LRRC7: variants seen among roughly 807,000 people sequenced by gnomAD.
The protein encoded by LRRC7 is leucine-rich repeat-containing protein 7.
Under a neutral mutation model 175.7 loss-of-function variants are expected in LRRC7, and 23 were observed. That is an observed-to-expected ratio of 0.13 (90% CI 0.09 to 0.19). The LOEUF (loss-of-function observed/expected upper bound fraction) is 0.19, where lower values mean the gene tolerates loss of function less well. LRRC7 is among the 10% of genes least tolerant of loss of function. LRRC7 has a pLI of 1.00. For synonymous variants in LRRC7, 685 were observed against 680.9 expected (o/e 1.01, Z -0.09); for missense variants, 1,354 against 1,904.7 (o/e 0.71, Z 5.38).
chr1:69,803,961 G>C (rs1241918248), intron 4 of LRRC7, among the ~76,000 whole-genome samples: 1 of 150,944 alleles, frequency 6.6e-6, no homozygotes, highest in Non-Finnish European at 1.5e-5. Context: ...TACTATTTTT[G>C]CTTGTTGGTC....
intron 7 of LRRC7, among the ~76,000 whole-genome samples, chr1:69,921,841 A>G (rs1646896885): frequency 6.6e-6 from 1 of 152,188 alleles, no homozygotes. Flanking sequence ...AGATAATCTC[A>G]TGATCTAGTG....
chr1:70,067,337 T>G (rs1571226800), intron 23 of LRRC7, among the ~76,000 whole-genome samples: 1 of 152,128 alleles, frequency 6.6e-6, no homozygotes, highest in Admixed American at 6.6e-5. Context: ...GTTCATTTAT[T>G]GTGCTTGTGG....
At chr1:69,731,741 A>G (rs1557659972) in intron 2 of LRRC7, among the ~76,000 whole-genome samples, 1 of 152,214 alleles carries the variant, frequency 6.6e-6, no homozygotes, top group Non-Finnish European at 1.5e-5. Context: ...GTCTCCATCT[A>G]TGAAAGTTAG....
chr1:69,588,645 A>G (rs1341783), intron 1 of LRRC7, among the ~76,000 whole-genome samples: 15,368 of 152,174 alleles, frequency 0.1, 878 homozygotes, highest in African/African-American at 0.12. Context: ...TGTTTCTTTC[A>G]TCTGTATGAA....
chr1:70,070,342 A>T (rs1055681048), intron 23 of LRRC7, among the ~76,000 whole-genome samples: 1 of 151,900 alleles, frequency 6.6e-6, no homozygotes, highest in Non-Finnish European at 1.5e-5. Context: ...CTAGTTTTTC[A>T]TTTGTTTCAA....
chr1:69,576,475 A>G (rs1438154420), intron 1 of LRRC7, among the ~76,000 whole-genome samples: 2 of 152,202 alleles, frequency 1.3e-5, no homozygotes, highest in Non-Finnish European at 2.9e-5. Context: ...ATGATTATAA[A>G]GCATTTTTGA....
intron 14 of LRRC7, among the ~76,000 whole-genome samples, chr1:70,017,019 T>C (rs1657021444): frequency 1.3e-5 from 2 of 152,160 alleles, no homozygotes; most frequent in African/African-American, 4.8e-5. Context: ...TGGCTCATGC[T>C]GTAATCCCAA....
At chr1:69,827,131 C>T (rs1224545405) in intron 5 of LRRC7, among the ~76,000 whole-genome samples, 3 of 152,004 alleles carry the variant, frequency 2.0e-5, no homozygotes, top group African/African-American at 4.8e-5. Flanking sequence ...ACTCGTAGAC[C>T]AAAATGCAAT....
rs1423285538 is a variant in LRRC7 at position 70,140,988 on chromosome 1, A to G, written c.*19101A>G. On this transcript the variant is annotated 3_prime_UTR_variant, in exon 27 of 27. Transcript: ENST00000651989. ...CTGAGGTGTAGCCCAGGGAATAAGT[A>G]TGTCCTGAATTGAGCCTTAAATCAG... 6.6e-6 allele frequency among the ~76,000 whole-genome samples: 1 copy of G among 152,118 alleles called. No homozygotes were observed. Among genetic ancestry groups the G allele is most frequent in the Non-Finnish European group, 1.5e-5 (1 of 67,982 alleles).
intron 22 of LRRC7, among the ~76,000 whole-genome samples, chr1:70,051,898 T>C (rs2102060691): frequency 1.3e-5 from 2 of 152,106 alleles, no homozygotes; most frequent in South Asian, 4.2e-4. Context: ...CTAAGACCAC[T>C]CAATATAACC....
chr1:70,098,245 C>T (rs913485849), intron 25 of LRRC7, among the ~76,000 whole-genome samples: 2 of 151,954 alleles, frequency 1.3e-5, no homozygotes, highest in South Asian at 4.2e-4. Context: ...TGTTTTTTGG[C>T]TGCATAAATG....
intron 1 of LRRC7, among the ~76,000 whole-genome samples, chr1:69,598,108 G>A (rs976050698): frequency 1.3e-5 from 2 of 152,080 alleles, no homozygotes; most frequent in African/African-American, 2.4e-5. Context: ...GTCTGCTAAC[G>A]CATATCTGGT....
chr1:70,020,047 C>A (rs543632784), intron 15 of LRRC7, among the ~76,000 whole-genome samples: 1 of 152,020 alleles, frequency 6.6e-6, no homozygotes, highest in East Asian at 1.9e-4. Context: ...AGGAATTAGC[C>A]TAGCTGAGTT....
intron 1 of LRRC7, among the ~76,000 whole-genome samples, chr1:69,648,561 A>C (rs1394215941): frequency 6.6e-6 from 1 of 152,212 alleles, no homozygotes; most frequent in Non-Finnish European, 1.5e-5. Context: ...CTCCCACCAC[A>C]GGGGCCTTCA....
intron 1 of LRRC7, among the ~76,000 whole-genome samples, chr1:69,609,279 C>T (rs1648309852): frequency 6.6e-6 from 1 of 151,894 alleles, no homozygotes; most frequent in African/African-American, 2.4e-5. Context: ...TCTACGTATT[C>T]ATAAAGGTGA....
At position 69,603,803 on chromosome 1, in the gene LRRC7, A is replaced by G. The variant is rs370403041; in HGVS notation, c.2+35162A>G. On this transcript the variant is annotated intron_variant, in intron 1 of 26. Coordinates refer to ENST00000651989, the MANE Select transcript of LRRC7 (RefSeq NM_001370785.2). ...TTATTTTCTTTTAAATTTATTTTAT[A>G]TTATTTGAAACACCAGAATGTAGAT... is the stretch of plus-strand genomic sequence containing the variant. Among the ~76,000 whole-genome samples the G allele has an allele frequency of 3.0e-4, 46 of 152,142 alleles. 1 individual carries two copies. The South Asian group carries it at 9.3e-3, about 31-fold the overall frequency.
In LRRC7 at chr1:69,897,342, G is replaced by C. The variant is rs76167356; in HGVS notation, c.648-34165G>C. Among the ~76,000 whole-genome samples, 366 of 152,188 alleles carry C rather than the reference G, an allele frequency of 2.4e-3. 12 individuals are homozygous for C. The East Asian group carries it at 0.057, about 24-fold the overall frequency. ...TTCAATAAAATATTAGCTTTTCAGA[G>C]TGGCTTTCTTTGGGCACTTTACATG... On this transcript the variant is annotated intron_variant, in intron 7 of 26. Coordinates refer to ENST00000651989, the MANE Select transcript of LRRC7 (RefSeq NM_001370785.2).
intron 21 of LRRC7, among the ~76,000 whole-genome samples, chr1:70,041,949 A>T (rs1659938007): frequency 6.6e-6 from 1 of 152,102 alleles, no homozygotes; most frequent in African/African-American, 2.4e-5. Context: ...AAACTCATGT[A>T]TTTTTCATTG....
intron 11 of LRRC7, among the ~76,000 whole-genome samples, chr1:70,001,113 G>A (rs1260506332): frequency 2.0e-5 from 3 of 151,976 alleles, no homozygotes; most frequent in Non-Finnish European, 4.4e-5. Context: ...CCCAGCTCCA[G>A]AATTGTATAG....
Sources: gnomAD v4.1 joint callset for allele counts (sites outside exome capture counted in the v4.1 genomes callset) on GRCh38, gnomAD v4.1.1 for gene constraint, MANE v1.5 for transcripts, NCBI Gene and HGNC (gene_info 2026-07-23, HGNC 2026-07-21) for gene names.